TPD52: variants seen among roughly 807,000 people sequenced by gnomAD.
The protein encoded by TPD52 is tumor protein D52.
In TPD52, 17 loss-of-function variants were observed where a neutral mutation model predicts 31.3. The ratio of observed to expected loss-of-function variants is 0.54; its 90% confidence interval spans 0.37 to 0.82. TPD52 has a LOEUF of 0.82. Among genes scored for constraint, TPD52 ranks in the 40% least tolerant of loss-of-function variants. The pLI is 0.00. For synonymous variants in TPD52, 83 were observed against 89.6 expected (o/e 0.93, Z 0.42); for missense variants, 212 against 240.1 (o/e 0.88, Z 0.77).
intron 1 of TPD52, among the ~76,000 whole-genome samples, chr8:80,077,085 G>A (rs1184866136): frequency 6.6e-6 from 1 of 152,082 alleles, no homozygotes; most frequent in South Asian, 2.1e-4. Context: ...GACCAGCCTC[G>A]CCAATATGGT....
At chr8:80,063,942 A>G in intron 2 of TPD52, among the ~76,000 whole-genome samples, 1 of 131,898 alleles carries the variant, frequency 7.6e-6, no homozygotes, top group East Asian at 2.5e-4. Context: ...GGGGGGCGGA[A>G]AGAGAAAAAA....
At chr8:80,058,401 G>A (rs1812128945) in intron 2 of TPD52, among the ~76,000 whole-genome samples, 1 of 152,192 alleles carries the variant, frequency 6.6e-6, no homozygotes, top group South Asian at 2.1e-4. Flanking sequence ...GGACTACGCA[G>A]CAATTTAAAA....
intron 1 of TPD52, among the ~76,000 whole-genome samples, chr8:80,142,894 G>T (rs7840822): frequency 0.51 from 77,012 of 151,534 alleles, 20,017 homozygotes; most frequent in East Asian, 0.78. Context: ...ACACATTCAT[G>T]TATTTCCTCA....
rs1193700671 is a variant in TPD52, at chr8:80,042,879, C to T, written c.456-211G>A. The T allele has an allele frequency of 6.8e-6, 3 of 442,690 alleles. No homozygotes were observed. The East Asian group carries it at 1.1e-4, about 16-fold the overall frequency. The allele number at this position is 442,690 out of a possible 1,614,324, so 27.4% of individuals were successfully genotyped here. On this transcript the variant is annotated intron_variant, in intron 6 of 7. Coordinates refer to ENST00000518937, the MANE Select transcript of TPD52 (RefSeq NM_001025253.3). ...ATATTTTAAGAGTATGCATTTGATT[C>T]CATGAACAGGGCCAGTCTCAGACAT...
At chr8:80,156,705 G>A (rs776919454) in intron 1 of TPD52, among the ~76,000 whole-genome samples, 3 of 152,140 alleles carry the variant, frequency 2.0e-5, no homozygotes, top group African/African-American at 7.2e-5. Context: ...ACATCTCAGG[G>A]GGAAAGGAAG....
intron 5 of TPD52, among the ~76,000 whole-genome samples, chr8:80,046,479 G>A (rs758280692): frequency 4.5e-4 from 68 of 152,106 alleles, no homozygotes; most frequent in Middle Eastern, 3.4e-3. Flanking sequence ...TTCATTTCTG[G>A]CTTCTCTATG....
At chr8:80,090,251 T>C (rs760904851) in intron 1 of TPD52, among the ~76,000 whole-genome samples, 4 of 151,948 alleles carry the variant, frequency 2.6e-5, no homozygotes, top group Non-Finnish European at 5.9e-5. Context: ...AAATAAAAAT[T>C]AGCCAGGCAC....
At chr8:80,129,487 G>A (rs1808864601) in intron 1 of TPD52, among the ~76,000 whole-genome samples, 1 of 152,154 alleles carries the variant, frequency 6.6e-6, no homozygotes, top group Admixed American at 6.5e-5. Flanking sequence ...TGGCCGGATA[G>A]CAACGTCAGC....
intron 1 of TPD52, among the ~76,000 whole-genome samples, chr8:80,099,504 A>G (rs1403364594): frequency 6.7e-6 from 1 of 149,920 alleles, no homozygotes; most frequent in Non-Finnish European, 1.5e-5. Context: ...ATGGTGGTCT[A>G]ACATCTTTTT....
intron 2 of TPD52, among the ~76,000 whole-genome samples, chr8:80,061,970 TTAA>T (rs1162640313): frequency 2.0e-5 from 3 of 152,194 alleles, no homozygotes; most frequent in Admixed American, 2.0e-4. Context: ...ACTGGAAGAC[TTAA>T]TATTGTTAAG....
chr8:80,102,267 C>T (rs1156390309), intron 1 of TPD52, among the ~76,000 whole-genome samples: 1 of 152,220 alleles, frequency 6.6e-6, no homozygotes, highest in Non-Finnish European at 1.5e-5. Flanking sequence ...TCCAAGCTCA[C>T]TCACTTTCAA....
intron 2 of TPD52, 78 bp from the exon 3 acceptor site, chr8:80,053,508 C>A: frequency 7.1e-7 from 1 of 1,414,304 alleles, no homozygotes; most frequent in East Asian, 2.3e-5. Context: ...GAACTACATC[C>A]AAAATTCCAG....
At chr8:80,040,364 G>A (rs1034379100) in intron 7 of TPD52, among the ~76,000 whole-genome samples, 5 of 151,324 alleles carry the variant, frequency 3.3e-5, no homozygotes, top group South Asian at 2.1e-4. Flanking sequence ...TTTTTCTATC[G>A]TTTTTGGTAG....
In TPD52 at chr8:80,151,129, C is replaced by G. The variant is rs1414554859; in HGVS notation, c.19+20296G>C. Among the ~76,000 whole-genome samples the G allele has an allele frequency of 5.3e-5, 8 of 152,244 alleles. No individual in the cohort carries two copies. In the East Asian group the frequency reaches 1.5e-3, roughly 29 times the overall value. On this transcript the variant is annotated intron_variant, in intron 1 of 7. Coordinates refer to ENST00000518937, the MANE Select transcript of TPD52 (RefSeq NM_001025253.3). ...TGATGGTGAATAAGTTTCATGAAATCTGATGGTTTTATAAAGGGAAGTTCT... is the reference window on the plus strand; with the variant it reads ...TGATGGTGAATAAGTTTCATGAAATGTGATGGTTTTATAAAGGGAAGTTCT...
At chr8:80,115,940 T>C (rs1247055403) in intron 1 of TPD52, among the ~76,000 whole-genome samples, 1 of 152,220 alleles carries the variant, frequency 6.6e-6, no homozygotes, top group Non-Finnish European at 1.5e-5. Context: ...TTCTTCTTAA[T>C]ATAACAAAAA....
At chr8:80,046,918 G>C (rs1032978628) in intron 5 of TPD52, among the ~76,000 whole-genome samples, 2 of 152,172 alleles carry the variant, frequency 1.3e-5, no homozygotes, top group Non-Finnish European at 2.9e-5. Flanking sequence ...AGAGGAGGGG[G>C]TAGAGGGAGG....
intron 1 of TPD52, among the ~76,000 whole-genome samples, chr8:80,109,085 C>A (rs1444633325): frequency 6.6e-6 from 1 of 152,028 alleles, no homozygotes; most frequent in African/African-American, 2.4e-5. Flanking sequence ...AAAAGTGTTC[C>A]CAGTCTCACA....
At chr8:80,160,074 C>T (rs1811244746) in intron 1 of TPD52, among the ~76,000 whole-genome samples, 1 of 152,036 alleles carries the variant, frequency 6.6e-6, no homozygotes, top group Non-Finnish European at 1.5e-5. Flanking sequence ...GCCTGTGGCC[C>T]CAGCTACTCA....
chr8:80,050,929 A>C (rs1811313678), intron 4 of TPD52, among the ~76,000 whole-genome samples: 1 of 151,946 alleles, frequency 6.6e-6, no homozygotes, highest in Non-Finnish European at 1.5e-5. Context: ...CACATGAGTG[A>C]AGGGGGGGCA....
Sources: allele counts gnomAD v4.1 joint callset (sites outside exome capture counted in the v4.1 genomes callset), GRCh38; gene constraint gnomAD v4.1.1; transcripts MANE v1.5; gene names NCBI Gene and HGNC (gene_info 2026-07-23, HGNC 2026-07-21).